Variants in SUCLG1 observed in about 807,000 individuals in gnomAD.
The protein encoded by SUCLG1 is succinate--CoA ligase [ADP/GDP-forming] subunit alpha, mitochondrial.
A neutral mutation model predicts 37.3 loss-of-function variants in SUCLG1; 26 were observed. The observed-to-expected ratio is 0.70, with a 90% CI of 0.51 to 0.97. SUCLG1 has a LOEUF of 0.97. SUCLG1 is among the 50% of genes least tolerant of loss of function. The pLI is 0.00. For synonymous variants in SUCLG1, 163 were observed against 155.6 expected, an observed-to-expected ratio of 1.05 and a Z score of -0.36; for missense variants, 433 against 432.9, an observed-to-expected ratio of 1.00 and a Z score of 0.00.
At chr2:84,450,900 T>A (rs185615268) in intron 1 of SUCLG1, among the ~76,000 whole-genome samples, 1 of 152,328 alleles carries the variant, frequency 6.6e-6, no homozygotes, top group African/African-American at 2.4e-5. Flanking sequence ...CCTTACCACC[T>A]GGATAATATT....
At chr2:84,434,205 T>C (rs1417189426) in intron 5 of SUCLG1, among the ~76,000 whole-genome samples, 9 of 152,162 alleles carry the variant, frequency 5.9e-5, no homozygotes, top group East Asian at 3.8e-4. Flanking sequence ...TGTAGCAATA[T>C]AAAACAGAAT....
In SUCLG1 at chr2:84,459,207, G is replaced by C. The variant is rs982734922; in HGVS notation, c.63C>G (p.Leu21=). 6 of 1,549,972 alleles carry C rather than the reference G, an allele frequency of 3.9e-6. No individual in the cohort carries two copies. In the African/African-American group the frequency reaches 6.8e-5, roughly 18 times the overall value. ...IATMVSGSSG[L]AAARLLSRSF... is the part of the protein sequence containing the mutation. ...TGCGCGACAGGAGACGGGCGGCGGC[G>C]AGGCCGCTGCTGCCGGAGACCATGG... Residue 21 remains leucine (L), a synonymous_variant, in exon 1 of 9, where the codon CTC becomes CTG. Transcript: ENST00000393868.
chr2:84,435,793 A>T (rs1206308276), intron 5 of SUCLG1, among the ~76,000 whole-genome samples: 2 of 152,158 alleles, frequency 1.3e-5, no homozygotes, highest in Non-Finnish European at 2.9e-5. Flanking sequence ...AGGGTCCCCC[A>T]GCATTAGCTG....
chr2:84,429,457 T>G (rs367582042), intron 7 of SUCLG1, among the ~76,000 whole-genome samples: 28 of 152,204 alleles, frequency 1.8e-4, no homozygotes, highest in African/African-American at 6.7e-4. Flanking sequence ...TCCTTAACAA[T>G]CTACTCTTCC....
chr2:84,433,476 A>G (rs985978480), intron 5 of SUCLG1, 41 bp from the exon 6 acceptor site: 9 of 1,544,150 alleles, frequency 5.8e-6, no homozygotes, highest in Non-Finnish European at 7.2e-6. Context: ...TTGTGTTTCT[A>G]TGTTAGACTA....
intron 1 of SUCLG1, among the ~76,000 whole-genome samples, chr2:84,455,571 C>G (rs1964529): frequency 0.81 from 122,930 of 151,852 alleles, 52,582 homozygotes; most frequent in Non-Finnish European, 0.93. Flanking sequence ...GTGGGTCTAT[C>G]ACGCCTGTAA....
At chr2:84,432,983 C>T (rs927723463) in intron 6 of SUCLG1, 2 of 287,950 alleles carry the variant, frequency 6.9e-6, no homozygotes, top group African/African-American at 4.5e-5. Flanking sequence ...GAATGAGACA[C>T]TGAATGGCAA....
intron 6 of SUCLG1, among the ~76,000 whole-genome samples, chr2:84,432,090 A>G (rs1672621209): frequency 6.6e-6 from 1 of 152,238 alleles, no homozygotes; most frequent in Non-Finnish European, 1.5e-5. Context: ...AAACTATTTG[A>G]TGAAGTATGC....
At chr2:84,431,398 A>T in intron 7 of SUCLG1, 110 bp downstream of exon 7, 1 of 1,444,994 alleles carries the variant, frequency 6.9e-7, no homozygotes, top group Non-Finnish European at 9.6e-7. Flanking sequence ...AGAAAGTTTT[A>T]TCTTTCATGT....
At chr2:84,441,623 C>G (rs886391647) in intron 3 of SUCLG1, among the ~76,000 whole-genome samples, 164 bp from the exon 4 acceptor site, 2 of 152,100 alleles carry the variant, frequency 1.3e-5, no homozygotes, top group Non-Finnish European at 2.9e-5. Flanking sequence ...CAGAGTAGAA[C>G]AGAATCAAGC....
intron 1 of SUCLG1, among the ~76,000 whole-genome samples, chr2:84,456,123 T>C (rs1673015867): frequency 6.6e-6 from 1 of 152,116 alleles, no homozygotes; most frequent in Non-Finnish European, 1.5e-5. Context: ...AACTACACTT[T>C]AAATGCATCT....
chr2:84,446,891 G>A (rs915700392), intron 2 of SUCLG1, among the ~76,000 whole-genome samples: 2 of 152,094 alleles, frequency 1.3e-5, no homozygotes, highest in Non-Finnish European at 2.9e-5. Context: ...CAGACACTGA[G>A]AAGCACTGCC....
At chr2:84,458,800 CA>C in intron 1 of SUCLG1, among the ~76,000 whole-genome samples, 1 of 152,160 alleles carries the variant, frequency 6.6e-6, no homozygotes, top group Non-Finnish European at 1.5e-5. Context: ...TTACCTTCCC[CA>C]CCAAGTTCAC....
At chr2:84,424,684 T>G (rs972150941) in intron 8 of SUCLG1, among the ~76,000 whole-genome samples, 1 of 152,014 alleles carries the variant, frequency 6.6e-6, no homozygotes, top group African/African-American at 2.4e-5. Context: ...TTTTGCTTTT[T>G]GTGTGTGTGT....
intron 7 of SUCLG1, among the ~76,000 whole-genome samples, chr2:84,430,253 A>G (rs541383719): frequency 6.6e-6 from 1 of 152,292 alleles, no homozygotes; most frequent in Admixed American, 6.5e-5. Context: ...CTACTTTGCT[A>G]TACGTTACTA....
At chr2:84,426,360 T>A (rs36015835) in intron 7 of SUCLG1, 16,287 of 151,778 alleles carry the variant, frequency 0.11, 1,070 homozygotes, top group Non-Finnish European at 0.14. Context: ...AATATGTATA[T>A]ACCTCAATCC....
intron 5 of SUCLG1, among the ~76,000 whole-genome samples, chr2:84,438,512 T>C (rs914455619): frequency 1.3e-5 from 2 of 152,252 alleles, no homozygotes; most frequent in Non-Finnish European, 2.9e-5. Context: ...CATTACATTA[T>C]ATTCCATTCA....
intron 1 of SUCLG1, 103 bp downstream of exon 1, chr2:84,459,070 G>T (rs1012004662): frequency 1.7e-6 from 2 of 1,211,476 alleles, no homozygotes; most frequent in South Asian, 1.7e-5. Context: ...GGCCCCCGCC[G>T]AGGTCCAGCC....
Position 84,433,447 on chromosome 2 carries a change from A to C in SUCLG1, c.590-12T>G. ...TCTGGACACAATGCCTTAACGAAAGAGAATTCAAAAATATTAGATTGTGTT... is the reference window on the plus strand; with the variant it reads ...TCTGGACACAATGCCTTAACGAAAGCGAATTCAAAAATATTAGATTGTGTT... On this transcript the variant is annotated splice_polypyrimidine_tract_variant and intron_variant, in intron 5 of 8. Coordinates refer to ENST00000393868, the MANE Select transcript of SUCLG1 (RefSeq NM_003849.4). The C allele has an allele frequency of 6.2e-7, 1 of 1,611,424 alleles. No individual in the cohort carries two copies. Among genetic ancestry groups the C allele is most frequent in the Non-Finnish European group, 8.5e-7 (1 of 1,177,782 alleles).
Sources: gnomAD v4.1 joint callset for allele counts (sites outside exome capture counted in the v4.1 genomes callset) on GRCh38, gnomAD v4.1.1 for gene constraint, MANE v1.5 for transcripts, NCBI Gene and HGNC (gene_info 2026-07-23, HGNC 2026-07-21) for gene names.